PTPRD: variants seen among roughly 807,000 people sequenced by gnomAD.
The protein encoded by PTPRD is protein tyrosine phosphatase receptor type D, also known as receptor-type tyrosine-protein phosphatase delta.
A neutral mutation model predicts 214.5 loss-of-function variants in PTPRD; 34 were observed. That is an observed-to-expected ratio of 0.16 (90% CI 0.12 to 0.21). PTPRD has a LOEUF of 0.21. Among genes scored for constraint, PTPRD ranks in the 10% least tolerant of loss-of-function variants. The probability of loss-of-function intolerance (pLI) is 1.00; values close to 1 mark genes in which losing one functional copy is unlikely to be tolerated. For missense variants in PTPRD, 2,545 were observed against 2,398.7 expected, an observed-to-expected ratio of 1.06 and a Z score of -1.27; for synonymous variants, 1,128 against 845.7, an observed-to-expected ratio of 1.33 and a Z score of -5.79.
chr9:9,961,352 A>G (rs1054541155), intron 4 of PTPRD, among the ~76,000 whole-genome samples: 1 of 152,132 alleles, frequency 6.6e-6, no homozygotes, highest in Non-Finnish European at 1.5e-5. Context: ...TAGGCAATGT[A>G]TTTGCTGAAA....
intron 8 of PTPRD, among the ~76,000 whole-genome samples, chr9:9,482,904 G>T (rs1002084937): frequency 5.9e-5 from 9 of 152,088 alleles, no homozygotes; most frequent in Non-Finnish European, 1.5e-5. Context: ...TAACTCAAAT[G>T]CTTCTAACAT....
chr9:9,052,895 G>C (rs16928819), intron 10 of PTPRD, among the ~76,000 whole-genome samples: 9,503 of 152,202 alleles, frequency 0.062, 321 homozygotes, highest in Middle Eastern at 0.092. Context: ...CTAGCCAACT[G>C]AATGTGCCTG....
At chr9:9,822,644 A>G (rs1336272243) in intron 5 of PTPRD, among the ~76,000 whole-genome samples, 1 of 151,788 alleles carries the variant, frequency 6.6e-6, no homozygotes, top group Admixed American at 6.6e-5. Context: ...CTTATTAAAT[A>G]TTTTTAAACT....
intron 8 of PTPRD, among the ~76,000 whole-genome samples, chr9:9,431,078 C>G (rs955319221): frequency 2.6e-5 from 4 of 152,194 alleles, no homozygotes; most frequent in African/African-American, 9.7e-5. Flanking sequence ...TAAAGAACCT[C>G]TGCACAGCAA....
At chr9:10,151,425 G>C (rs1274968893) in intron 3 of PTPRD, among the ~76,000 whole-genome samples, 1 of 151,716 alleles carries the variant, frequency 6.6e-6, no homozygotes, top group African/African-American at 2.4e-5. Flanking sequence ...ACCACGCCCT[G>C]CTAATTTTTG....
chr9:8,500,680 T>A lies in PTPRD; in HGVS notation c.2128+74A>T. 4 of 1,443,470 alleles carry A rather than the reference T, an allele frequency of 2.8e-6. No individual in the cohort carries two copies. The South Asian group carries it at 5.1e-5, about 18-fold the overall frequency. The allele number at this position is 1,443,470 out of a possible 1,614,324, so 89.4% of individuals were successfully genotyped here. A position where few individuals can be genotyped will look rare whatever the true frequency, so the allele number is the denominator to read the frequency against. On this transcript the variant is annotated intron_variant, in intron 24 of 45. Transcript: ENST00000381196. ...AAGATGAGCAGAGAAAAAAGATTAC[T>A]GTGAGCCTATTGAAAGACAGCAGAT...
At chr9:10,462,099 G>A (rs2098963139) in intron 2 of PTPRD, among the ~76,000 whole-genome samples, 1 of 152,020 alleles carries the variant, frequency 6.6e-6, no homozygotes, top group African/African-American at 2.4e-5. Context: ...AAACTATGAG[G>A]AATGATAGTT....
At chr9:9,157,725 T>C (rs910216256) in intron 10 of PTPRD, among the ~76,000 whole-genome samples, 4 of 152,186 alleles carry the variant, frequency 2.6e-5, no homozygotes, top group African/African-American at 9.6e-5. Context: ...CTTTCAACTT[T>C]TATTTAAAGT....
chr9:8,736,297 T>C (rs1203678059), intron 11 of PTPRD, among the ~76,000 whole-genome samples: 1 of 152,194 alleles, frequency 6.6e-6, no homozygotes, highest in Non-Finnish European at 1.5e-5. Context: ...TTATGCAGAG[T>C]ACACTCTTAA....
intron 2 of PTPRD, among the ~76,000 whole-genome samples, chr9:10,554,358 G>T (rs916606858): frequency 1.3e-5 from 2 of 152,032 alleles, no homozygotes; most frequent in Middle Eastern, 3.2e-3. Flanking sequence ...TAATTTCCAG[G>T]ACCATTTCCA....
At chr9:10,467,529 A>T (rs2099002681) in intron 2 of PTPRD, among the ~76,000 whole-genome samples, 1 of 152,210 alleles carries the variant, frequency 6.6e-6, no homozygotes, top group African/African-American at 2.4e-5. Flanking sequence ...TCAAGGGGAA[A>T]CTGCATGCAC....
At position 8,315,555 on chromosome 9, in the gene PTPRD, T is replaced by C. The variant is rs1821193338; in HGVS notation, c.*2319A>G. The C allele has an allele frequency of 8.6e-6, 2 of 231,326 alleles. No homozygotes were observed. The highest frequency in any genetic ancestry group is 6.1e-5 in the East Asian group (1 of 16,366). 14.3% of individuals were successfully genotyped at this position (231,326 alleles called of 1,614,324 possible). On this transcript the variant is annotated 3_prime_UTR_variant, in exon 46 of 46. Transcript: ENST00000381196. ...AAATAATGATAACAGACCCACATAG[T>C]GCACATTCTTCTCTGGTTCTGATGT...
intron 10 of PTPRD, among the ~76,000 whole-genome samples, chr9:9,047,633 A>G (rs926475841): frequency 3.3e-5 from 5 of 152,158 alleles, no homozygotes; most frequent in African/African-American, 9.6e-5. Context: ...AGATGCCAAG[A>G]ACATATACTG....
chr9:9,671,912 T>C lies in PTPRD; in HGVS notation c.-287+62621A>G, dbSNP rs559643148. Among the ~76,000 whole-genome samples, 65 of 152,310 alleles carry C rather than the reference T, an allele frequency of 4.3e-4. No individual in the cohort carries two copies. The South Asian group carries it at 7.5e-3, about 17-fold the overall frequency. On this transcript the variant is annotated intron_variant, in intron 7 of 45. Coordinates refer to ENST00000381196, the MANE Select transcript of PTPRD (RefSeq NM_002839.4). ...GACTTACATTTGCCACAAACATTCC[T>C]GTATAAACATCCAAACCAAAGAAGA...
In PTPRD at chr9:9,677,469, T is replaced by A. The variant is rs113451045; in HGVS notation, c.-287+57064A>T. Reference sequence around the variant, plus strand: ...ATAAACAGAACCAATGACAAAAGCCTTATGATTATCTCAATAGATGCAGAA... The same window carrying A: ...ATAAACAGAACCAATGACAAAAGCCATATGATTATCTCAATAGATGCAGAA... On this transcript the variant is annotated intron_variant, in intron 7 of 45. Transcript: ENST00000381196. 4.9e-3 allele frequency among the ~76,000 whole-genome samples: 751 copies of A among 152,182 alleles called. 6 individuals are homozygous for A. The highest frequency in any genetic ancestry group is 0.017 in the African/African-American group (707 of 41,532).
intron 7 of PTPRD, among the ~76,000 whole-genome samples, chr9:9,690,512 T>G (rs1439741701): frequency 6.6e-6 from 1 of 151,926 alleles, no homozygotes; most frequent in Non-Finnish European, 1.5e-5. Flanking sequence ...TTTTGTTGTC[T>G]GTGCTTTTGA....
At chr9:9,618,071 C>CAAAAAA (rs34125624) in intron 7 of PTPRD, among the ~76,000 whole-genome samples, 257 of 23,066 alleles carry the variant, frequency 0.011, 36 homozygotes, top group Non-Finnish European at 0.013. Context: ...GACTCCATCT[C>CAAAAAA]AAAAAAAAAA....
At chr9:10,254,793 T>G (rs2498611) in intron 3 of PTPRD, among the ~76,000 whole-genome samples, 24,427 of 152,132 alleles carry the variant, frequency 0.16, 2,071 homozygotes, top group African/African-American at 0.21. Context: ...AGAATTTCTA[T>G]AAGCTATGCT....
At chr9:8,969,886 C>A (rs1174170753) in intron 11 of PTPRD, among the ~76,000 whole-genome samples, 1 of 151,916 alleles carries the variant, frequency 6.6e-6, no homozygotes, top group Admixed American at 6.6e-5. Flanking sequence ...TATCCAACTA[C>A]TAATTACAAC....
Sources: allele counts gnomAD v4.1 joint callset (sites outside exome capture counted in the v4.1 genomes callset), GRCh38; gene constraint gnomAD v4.1.1; transcripts MANE v1.5; gene names NCBI Gene and HGNC (gene_info 2026-07-23, HGNC 2026-07-21).